The following SGCD variants were observed in gnomAD, a reference collection of about 807,000 sequenced individuals.
SGCD encodes delta-sarcoglycan.
Under a neutral mutation model 36.6 loss-of-function variants are expected in SGCD, and 18 were observed. The ratio of observed to expected loss-of-function variants is 0.49; its 90% CI spans 0.34 to 0.73. The LOEUF (loss-of-function observed/expected upper bound fraction) is 0.73, where lower values mean the gene tolerates loss of function less well. Ranked by LOEUF, SGCD falls within the 30% of genes least tolerant of loss-of-function variation. SGCD has a pLI of 0.01. For missense variants in SGCD, 387 were observed against 346.7 expected, an observed-to-expected ratio of 1.12 and a Z score of -0.92; for synonymous variants, 133 against 130.6, an observed-to-expected ratio of 1.02 and a Z score of -0.12.
rs576764461 is a variant in SGCD, at chr5:156,445,312, G to A, written c.193-63289G>A. 5.9e-5 allele frequency among the ~76,000 whole-genome samples: 9 copies of A among 152,238 alleles called. No individual in the cohort carries two copies. In the South Asian group the frequency reaches 1.7e-3, roughly 28 times the overall value. ...TGATCAATATGACTATAGGTAGCCA[G>A]AATTATTGATCTTCAAATCTTGACC... On this transcript the variant is annotated intron_variant, in intron 3 of 8. Coordinates refer to ENST00000337851, the MANE Select transcript of SGCD (RefSeq NM_000337.6).
intron 1 of SGCD, among the ~76,000 whole-genome samples, chr5:156,057,126 G>A (rs1294815880): frequency 6.8e-6 from 1 of 146,618 alleles, no homozygotes; most frequent in Non-Finnish European, 1.5e-5. Flanking sequence ...CTGTAGAAGA[G>A]TAGTTAATGA....
chr5:156,049,539 C>T (rs1023515057), intron 1 of SGCD, among the ~76,000 whole-genome samples: 11 of 145,610 alleles, frequency 7.6e-5, no homozygotes, highest in Admixed American at 4.1e-4. Context: ...GAGCACTAAA[C>T]GTGGAAAGGA....
At position 156,238,584 on chromosome 5, in the gene SGCD, G is replaced by A. The variant is rs1581188234; in HGVS notation, c.-43-90950G>A. ...GTGGCTACTGAGTGCTCGAAATGTGGGTAGAAACTGAATTTTTAATTGAAT... is the reference window on the plus strand; with the variant it reads ...GTGGCTACTGAGTGCTCGAAATGTGAGTAGAAACTGAATTTTTAATTGAAT... On this transcript the variant is annotated intron_variant, in intron 3 of 9. Transcript: ENST00000517913. Among the ~76,000 whole-genome samples, 3 of 152,238 alleles carry A rather than the reference G, an allele frequency of 2.0e-5. No homozygotes were observed. The East Asian group carries it at 5.8e-4, about 29-fold the overall frequency.
the SGCD span, among the ~76,000 whole-genome samples, chr5:155,764,953 TA>T: frequency 6.6e-6 from 1 of 152,146 alleles, no homozygotes; most frequent in Non-Finnish European, 1.5e-5. Flanking sequence ...AAGTTTTCTA[TA>T]AAAATAAACT....
At chr5:156,183,474 C>A (rs1763657580) in intron 3 of SGCD, among the ~76,000 whole-genome samples, 1 of 152,168 alleles carries the variant, frequency 6.6e-6, no homozygotes, top group Non-Finnish European at 1.5e-5. Flanking sequence ...GTGGTACGAT[C>A]TCAGTTTACT....
chr5:156,320,601 ACATTT>A (rs1767632568), intron 3 of SGCD, among the ~76,000 whole-genome samples: 1 of 152,232 alleles, frequency 6.6e-6, no homozygotes, highest in Admixed American at 6.5e-5. Context: ...TGTTTGCAAT[ACATTT>A]CATTACTAAT....
intron 6 of SGCD, among the ~76,000 whole-genome samples, chr5:156,619,144 G>T (rs1056639573): frequency 2.6e-5 from 4 of 151,802 alleles, no homozygotes; most frequent in Admixed American, 2.0e-4. Flanking sequence ...GCCTGCCTCA[G>T]CCTCCAGAGT....
At chr5:155,877,195 G>A (rs1755784458) in intron 1 of SGCD, among the ~76,000 whole-genome samples, 1 of 152,086 alleles carries the variant, frequency 6.6e-6, no homozygotes, top group East Asian at 1.9e-4. Context: ...GTCCAACTGT[G>A]TCTTTAATTA....
intron 3 of SGCD, among the ~76,000 whole-genome samples, chr5:156,130,512 T>G (rs1263768043): frequency 6.6e-6 from 1 of 152,150 alleles, no homozygotes; most frequent in Non-Finnish European, 1.5e-5. Context: ...ACTTGTCAAT[T>G]TTTGCTTTTG....
Position 156,058,678 on chromosome 5 carries a change from TA to T in SGCD, c.-281-59199del, listed in dbSNP as rs1486952767. 1.4e-5 allele frequency among the ~76,000 whole-genome samples: 2 copies of T among 146,782 alleles called. 1 individual carries two copies. The highest frequency in any genetic ancestry group is 3.1e-5 in the Non-Finnish European group (2 of 65,164). On this transcript the variant is annotated intron_variant, in intron 1 of 9. Transcript: ENST00000517913. ...AATGTTAAATATGGATATTTAATAA[TA>T]TTAGCAAACCATCATTAAGTTTGTA... is the stretch of plus-strand genomic sequence containing the variant.
chr5:156,647,433 A>ATCTCTGTTTGCT, intron 6 of SGCD, 31 bp from the exon 7 acceptor site: 3 of 1,518,322 alleles, frequency 2.0e-6, no homozygotes, highest in Non-Finnish European at 2.7e-6. Context: ...AGTATCTCCA[A>ATCTCTGTTTGCT]TCTCTGTTTG....
chr5:156,694,779 G>C (rs1192225509), intron 7 of SGCD, among the ~76,000 whole-genome samples: 2 of 151,910 alleles, frequency 1.3e-5, no homozygotes, highest in African/African-American at 4.8e-5. Flanking sequence ...GGCCCGTCTG[G>C]TTTTCCCACT....
At chr5:156,570,313 G>A (rs1432104378) in intron 4 of SGCD, among the ~76,000 whole-genome samples, 1 of 152,106 alleles carries the variant, frequency 6.6e-6, no homozygotes, top group Non-Finnish European at 1.5e-5. Context: ...CTTGGGTGCA[G>A]AGCTCTACAC....
intron 3 of SGCD, among the ~76,000 whole-genome samples, chr5:156,195,123 T>C (rs1046031427): frequency 6.6e-6 from 1 of 152,236 alleles, no homozygotes; most frequent in African/African-American, 2.4e-5. Flanking sequence ...GTTTCCATTG[T>C]AAATGGTGTT....
intron 1 of SGCD, among the ~76,000 whole-genome samples, chr5:156,327,729 C>T (rs190519483): frequency 6.6e-6 from 1 of 152,254 alleles, no homozygotes; most frequent in Admixed American, 6.5e-5. Flanking sequence ...TTGGATGACA[C>T]TTTCAGAGTG....
chr5:156,623,431 G>A (rs1270814495), intron 6 of SGCD, among the ~76,000 whole-genome samples: 2 of 152,174 alleles, frequency 1.3e-5, no homozygotes, highest in African/African-American at 4.8e-5. Flanking sequence ...TTCAGAAAAA[G>A]AGTCGTGCAG....
chr5:156,149,989 G>T (rs903413746), intron 3 of SGCD, among the ~76,000 whole-genome samples: 1 of 152,124 alleles, frequency 6.6e-6, no homozygotes, highest in Non-Finnish European at 1.5e-5. Context: ...AGCCATCCTT[G>T]TTCTCTCCTC....
chr5:156,299,204 C>A (rs1010579029), intron 3 of SGCD, among the ~76,000 whole-genome samples: 5 of 152,126 alleles, frequency 3.3e-5, no homozygotes. Flanking sequence ...ACTGTCCTTT[C>A]CCCAGTGTAT....
the SGCD span, among the ~76,000 whole-genome samples, chr5:155,763,979 A>T: frequency 6.6e-6 from 1 of 152,130 alleles, no homozygotes; most frequent in African/African-American, 2.4e-5. Flanking sequence ...GAGAGACTGC[A>T]GGGAGAGAAA....
Sources: gnomAD v4.1 joint callset for allele counts (sites outside exome capture counted in the v4.1 genomes callset) on GRCh38, gnomAD v4.1.1 for gene constraint, MANE v1.5 for transcripts, NCBI Gene and HGNC (gene_info 2026-07-23, HGNC 2026-07-21) for gene names.